NUP153: variants seen among roughly 807,000 people sequenced by gnomAD.
NUP153 encodes the protein nucleoporin 153.
In NUP153, 27 loss-of-function variants were observed where a neutral mutation model predicts 134.6. That is an observed-to-expected ratio of 0.20 (90% confidence interval 0.15 to 0.28). The LOEUF (loss-of-function observed/expected upper bound fraction) is 0.28, where lower values mean the gene tolerates loss of function less well. Ranked by LOEUF, NUP153 falls within the 10% of genes least tolerant of loss-of-function variation. The pLI is 1.00. For missense variants in NUP153, 1,821 were observed against 1,731.3 expected, an observed-to-expected ratio of 1.05 and a Z score of -0.92; for synonymous variants, 640 against 623.5, an observed-to-expected ratio of 1.03 and a Z score of -0.40.
Position 17,701,834 on chromosome 6 carries a change from G to GGC in NUP153, c.111+4442_111+4443insGC, listed in dbSNP as rs1554148684. 2.3e-4 allele frequency among the ~76,000 whole-genome samples: 24 copies of GGC among 103,818 alleles called. 1 individual carries two copies. The South Asian group carries it at 7.6e-3, about 33-fold the overall frequency. The allele number at this position is 103,818 out of a possible 152,430, so 68.1% of individuals were successfully genotyped here. On this transcript the variant is annotated intron_variant, in intron 1 of 21. Transcript: ENST00000262077. ...GGCAACAGAGCAAGACTCTGTCTCG[G>GGC]GGGGGGGGGGAAAAAAGCTAAATGC...
At chr6:17,637,019 T>A in intron 16 of NUP153, 134 bp downstream of exon 16, 2 of 888,860 alleles carry the variant, frequency 2.3e-6, no homozygotes, top group South Asian at 3.6e-5. Context: ...CATTTTTACC[T>A]CAAGATAGTT....
At chr6:17,666,035 G>A (rs1044089601) in intron 8 of NUP153, among the ~76,000 whole-genome samples, 1 of 150,784 alleles carries the variant, frequency 6.6e-6, no homozygotes, top group Non-Finnish European at 1.5e-5. Context: ...GTGTTGCCCA[G>A]GCTGATCTCA....
In NUP153 at chr6:17,632,659, C is replaced by T; in HGVS notation, c.2650G>A (p.Gly884Arg). 6.2e-7 allele frequency: 1 copy of T among 1,600,740 alleles called. No individual in the cohort carries two copies. Among genetic ancestry groups the T allele is most frequent in the Non-Finnish European group, 8.5e-7 (1 of 1,173,928 alleles). Reference sequence around the variant, plus strand: ...ATTTTTTTGGCCTTACCTTTAAACCCAGATTTTGTGCCTGGCTTTGCACTT... The same window carrying T: ...ATTTTTTTGGCCTTACCTTTAAACCTAGATTTTGTGCCTGGCTTTGCACTT... ...CESAKPGTKS[G>R]FKGFDTSSSS... Residue 884 changes from glycine (G) to arginine (R), a missense_variant, in exon 17 of 22, where the codon GGG becomes AGG. Physicochemically the swap from Gly to Arg is moderately radical, Grantham distance 125. Transcript: ENST00000262077.
chr6:17,668,931 A>C, intron 8 of NUP153, 44 bp downstream of exon 8: 1 of 1,353,798 alleles, frequency 7.4e-7, no homozygotes, highest in Non-Finnish European at 1.0e-6. Context: ...AAACACAACA[A>C]AATTGTAGAC....
intron 2 of NUP153, among the ~76,000 whole-genome samples, chr6:17,678,463 T>C (rs1287191837): frequency 2.6e-5 from 4 of 152,034 alleles, no homozygotes; most frequent in Non-Finnish European, 4.4e-5. Context: ...AATTTTAAAT[T>C]TTAGCAAATG....
Position 17,628,828 on chromosome 6 carries a change from T to C in NUP153, c.3371A>G (p.Asn1124Ser), listed in dbSNP as rs144294630. ...CACTGGTTGACACTTTGGCTCTTCA[T>C]TGTCAGCTTTCTTCCCAAAAACTAG... ...TSLVFGKKAD[N>S]EEPKCQPVFS... is the part of the protein sequence containing the mutation. The change falls in exon 18 of 22, where the codon AAT becomes AGT. Residue 1124 changes from asparagine to serine, a missense_variant. Physicochemically the swap from Asn to Ser is conservative, Grantham distance 46 (BLOSUM62 1). Transcript: ENST00000262077. This position sits in a 1 kb window ranked among gnomAD's most constrained non-coding sequence, Gnocchi z 5.4. The C allele has an allele frequency of 3.8e-3, 6,205 of 1,614,214 alleles. 25 individuals are homozygous for C. The highest frequency in any genetic ancestry group is 0.01 in the Middle Eastern group (62 of 6,062).
intron 9 of NUP153, 66 bp downstream of exon 9, chr6:17,665,173 T>C (rs532048107): frequency 2.5e-6 from 3 of 1,212,728 alleles, no homozygotes; most frequent in Non-Finnish European, 3.5e-6. Context: ...AGTTATATTT[T>C]ACATTATTTA....
chr6:17,646,025 T>C (rs73722995), intron 14 of NUP153, 42 bp downstream of exon 14: 19,233 of 835,508 alleles, frequency 0.023, 283 homozygotes, highest in Middle Eastern at 0.055. Flanking sequence ...ATCTACTGTA[T>C]GCAATTGTTT....
At chr6:17,649,087 T>C in intron 12 of NUP153, 76 bp downstream of exon 12, 1 of 1,308,096 alleles carries the variant, frequency 7.6e-7, no homozygotes, top group South Asian at 1.5e-5. Context: ...AAACACTGTT[T>C]ATAATATAGG....
In NUP153 at chr6:17,638,833, A is replaced by G. The variant is rs1765692549; in HGVS notation, c.1847-1063T>C. On this transcript the variant is annotated intron_variant, in intron 15 of 21. Transcript: ENST00000262077. The surrounding 1 kb of genome is among the most constrained non-coding windows in gnomAD (Gnocchi z 4.0). ...GTTAATTCCAGCACAAGCACTCTGG[A>G]GTTCTACCATAACTGCATGGAACTG... Among the ~76,000 whole-genome samples the G allele has an allele frequency of 6.6e-6, 1 of 152,184 alleles. No homozygotes were observed. Among genetic ancestry groups the G allele is most frequent in the African/African-American group, 2.4e-5 (1 of 41,444 alleles).
rs144058614 is a variant in NUP153 at position 17,702,115 on chromosome 6, T to A, written c.111+4162A>T. Among the ~76,000 whole-genome samples, 303 of 152,264 alleles carry A rather than the reference T, an allele frequency of 2.0e-3. 2 individuals are homozygous for A. Among genetic ancestry groups the A allele is most frequent in the African/African-American group, 6.8e-3 (284 of 41,552 alleles). Reference sequence around the variant, plus strand: ...AGCCTGACCTCTCCAAAGAGCTGACTTTCTGTGCCTGACAATCTGAACAAA... The same window carrying A: ...AGCCTGACCTCTCCAAAGAGCTGACATTCTGTGCCTGACAATCTGAACAAA... On this transcript the variant is annotated intron_variant, in intron 1 of 21. Coordinates refer to ENST00000262077, the MANE Select transcript of NUP153 (RefSeq NM_005124.4).
At chr6:17,683,379 C>T (rs186478590) in intron 2 of NUP153, among the ~76,000 whole-genome samples, 7 of 152,300 alleles carry the variant, frequency 4.6e-5, no homozygotes, top group Non-Finnish European at 2.9e-5. Flanking sequence ...GTCAAAATGC[C>T]TCCTTGATCC....
At chr6:17,643,895 A>G (rs1765991431) in intron 14 of NUP153, among the ~76,000 whole-genome samples, 1 of 152,240 alleles carries the variant, frequency 6.6e-6, no homozygotes, top group Non-Finnish European at 1.5e-5. Flanking sequence ...GAAACATTTT[A>G]ATGCCTTTCC....
intron 16 of NUP153, among the ~76,000 whole-genome samples, 165 bp from the exon 17 acceptor site, chr6:17,633,009 A>C (rs1360635972): frequency 6.6e-6 from 1 of 152,188 alleles, no homozygotes; most frequent in African/African-American, 2.4e-5. Context: ...GTTCATATTT[A>C]CATTGTTTAA....
rs4712307 is a variant in NUP153, at chr6:17,686,697, A to G, written c.334+1699T>C. 2.3e-3 allele frequency among the ~76,000 whole-genome samples: 346 copies of G among 152,062 alleles called. 6 individuals are homozygous for G. The highest frequency in any genetic ancestry group is 0.021 in the Admixed American group (318 of 15,252). ...AAAGTTTTAAAAGTTAAGAAAAAAA[A>G]ACAGTACTATAGAAAAAAAAAATTT... On this transcript the variant is annotated intron_variant, in intron 2 of 21. Transcript: ENST00000262077.
At chr6:17,685,953 T>C (rs183120233) in intron 2 of NUP153, among the ~76,000 whole-genome samples, 1 of 152,118 alleles carries the variant, frequency 6.6e-6, no homozygotes, top group East Asian at 1.9e-4. Context: ...AAGCCCAGCC[T>C]AAGCAACAGA....
At chr6:17,689,415 A>G (rs1340121750) in intron 1 of NUP153, among the ~76,000 whole-genome samples, 1 of 149,268 alleles carries the variant, frequency 6.7e-6, no homozygotes, top group Non-Finnish European at 1.5e-5. Flanking sequence ...AAATAAACAA[A>G]CAAAAAAAAA....
chr6:17,704,890 G>A (rs530160860), intron 1 of NUP153, among the ~76,000 whole-genome samples: 8 of 152,030 alleles, frequency 5.3e-5, no homozygotes, highest in Non-Finnish European at 8.8e-5. Flanking sequence ...CTCCCAAGTA[G>A]CTGGGACTAC....
intron 2 of NUP153, among the ~76,000 whole-genome samples, chr6:17,687,677 T>C (rs1194702864): frequency 2.0e-5 from 3 of 152,208 alleles, no homozygotes; most frequent in Admixed American, 6.5e-5. Flanking sequence ...ATCAATTATT[T>C]ATTTGAGACT....
Sources: allele counts gnomAD v4.1 joint callset (sites outside exome capture counted in the v4.1 genomes callset), GRCh38; gene constraint gnomAD v4.1.1; non-coding constraint Gnocchi (gnomAD v3.1); transcripts MANE v1.5; gene names NCBI Gene and HGNC (gene_info 2026-07-23, HGNC 2026-07-21).